The following RPS6KA2 variants were observed in gnomAD, a reference collection of about 807,000 sequenced individuals.
The protein encoded by RPS6KA2 is ribosomal protein S6 kinase A2.
Under a neutral mutation model 91.8 loss-of-function variants are expected in RPS6KA2, and 42 were observed. The observed-to-expected ratio is 0.46, with a 90% CI of 0.36 to 0.59. The LOEUF (loss-of-function observed/expected upper bound fraction) is 0.59, where lower values mean the gene tolerates loss of function less well. Ranked by LOEUF, RPS6KA2 falls within the 20% of genes least tolerant of loss-of-function variation. The pLI is 0.00. For missense variants in RPS6KA2, 798 were observed against 978.5 expected, an observed-to-expected ratio of 0.82 and a Z score of 2.46; for synonymous variants, 414 against 393.6, an observed-to-expected ratio of 1.05 and a Z score of -0.61.
intron 11 of RPS6KA2, among the ~76,000 whole-genome samples, chr6:166,468,447 G>T (rs773229466): frequency 2.6e-5 from 4 of 152,242 alleles, no homozygotes; most frequent in Non-Finnish European, 5.9e-5. Context: ...GCTGAAGGAA[G>T]AGGAGAGCTG....
intron 10 of RPS6KA2, among the ~76,000 whole-genome samples, chr6:166,478,839 G>T (rs1269715550): frequency 6.6e-6 from 1 of 152,190 alleles, no homozygotes; most frequent in East Asian, 1.9e-4. Flanking sequence ...ATCAGGCACT[G>T]CTCTGCCTCC....
At chr6:166,592,283 A>G (rs1398026165) in intron 1 of RPS6KA2, among the ~76,000 whole-genome samples, 1 of 152,166 alleles carries the variant, frequency 6.6e-6, no homozygotes, top group Non-Finnish European at 1.5e-5. Context: ...TGATGGGTGC[A>G]CCTCAGATTA....
intron 1 of RPS6KA2, chr6:166,586,278 C>T (rs1785170481): frequency 4.4e-6 from 7 of 1,597,920 alleles, no homozygotes; most frequent in Non-Finnish European, 5.9e-6. Context: ...TCTGTTGTCC[C>T]TGCCTCTGAA....
intron 10 of RPS6KA2, among the ~76,000 whole-genome samples, 170 bp downstream of exon 10, chr6:166,488,662 TC>T (rs1781490942): frequency 1.3e-5 from 2 of 152,238 alleles, no homozygotes; most frequent in Non-Finnish European, 2.9e-5. Context: ...GGGCCTTTTT[TC>T]CTGGAGCTCA....
In RPS6KA2 at chr6:166,432,477, C is replaced by A. The variant is rs1779168568; in HGVS notation, c.1346G>T (p.Ser449Ile). 2 of 1,611,530 alleles carry A rather than the reference C, an allele frequency of 1.2e-6. No homozygotes were observed. Among genetic ancestry groups the A allele is most frequent in the African/African-American group, 1.3e-5 (1 of 74,864 alleles). Residue 449 changes from serine (S) to isoleucine (I), a missense_variant, in exon 15 of 21, where the codon AGC (serine) becomes ATC (isoleucine). By Grantham distance (142) the Ser-to-Ile change is moderately radical (BLOSUM62 -2). Transcript: ENST00000265678. ...AATCTCTTCCGAGGGGTCTCTCTTG[C>A]TCTTATCAATGATCTGGAACAAACA... is the stretch of plus-strand genomic sequence containing the variant. ...TEYAVKIIDK[S>I]KRDPSEEIEI...
Position 166,716,462 on chromosome 6 carries a change from A to C in RPS6KA2, c.123+141738T>G, listed in dbSNP as rs1030648562. 5.9e-5 allele frequency among the ~76,000 whole-genome samples: 9 copies of C among 152,108 alleles called. 1 individual carries two copies. Among genetic ancestry groups the C allele is most frequent in the Non-Finnish European group, 7.3e-5 (5 of 68,030 alleles). On this transcript the variant is annotated intron_variant, in intron 2 of 21. Transcript: ENST00000503859. ...GCGGGCATCAATTCTTTTTCACATC[A>C]TCACTGTATCGAAATGACATTGAAT...
chr6:166,599,841 A>C (rs975351026), intron 1 of RPS6KA2, among the ~76,000 whole-genome samples: 1 of 151,644 alleles, frequency 6.6e-6, no homozygotes, highest in East Asian at 1.9e-4. Context: ...TCTCCTTCCC[A>C]CTCCATCTCC....
intron 2 of RPS6KA2, among the ~76,000 whole-genome samples, chr6:166,848,524 T>C (rs1780660688): frequency 1.3e-5 from 2 of 152,192 alleles, no homozygotes; most frequent in South Asian, 4.1e-4. Flanking sequence ...ATCAGTCAAT[T>C]AGTGGATAAA....
intron 2 of RPS6KA2, among the ~76,000 whole-genome samples, chr6:166,785,641 T>G (rs1379819200): frequency 1.3e-5 from 2 of 152,212 alleles, no homozygotes; most frequent in Non-Finnish European, 2.9e-5. Flanking sequence ...TGAACAAGGT[T>G]AAATAATTTA....
chr6:166,740,693 G>C (rs1790787983), intron 2 of RPS6KA2, among the ~76,000 whole-genome samples: 1 of 152,232 alleles, frequency 6.6e-6, no homozygotes, highest in Non-Finnish European at 1.5e-5. Context: ...ACAAAGGACT[G>C]ATTTCCAGAA....
At chr6:166,789,588 A>G (rs978525699) in intron 2 of RPS6KA2, among the ~76,000 whole-genome samples, 1 of 152,252 alleles carries the variant, frequency 6.6e-6, no homozygotes, top group Non-Finnish European at 1.5e-5. Context: ...CTGACCCCCG[A>G]GCAGCTTAAC....
At chr6:166,564,830 G>A (rs987071127) in intron 1 of RPS6KA2, among the ~76,000 whole-genome samples, 1 of 152,232 alleles carries the variant, frequency 6.6e-6, no homozygotes, top group East Asian at 1.9e-4. Flanking sequence ...TCACCTTTCT[G>A]AGAGTCCTCA....
Position 166,449,089 on chromosome 6 carries a change from G to A in RPS6KA2, c.1207-240C>T, listed in dbSNP as rs541365114. On this transcript the variant is annotated intron_variant, in intron 13 of 20. Transcript: ENST00000265678. ...ACTCTTAACTTTGAGACACCAGGCC[G>A]TTCTGTGTCCACTGGCTGGTATGTT... Among the ~76,000 whole-genome samples, 42 of 152,274 alleles carry A rather than the reference G, an allele frequency of 2.8e-4. No individual in the cohort carries two copies. The East Asian group carries it at 5.0e-3, about 18-fold the overall frequency.
At chr6:166,721,333 C>T (rs1790168085) in intron 2 of RPS6KA2, among the ~76,000 whole-genome samples, 1 of 152,200 alleles carries the variant, frequency 6.6e-6, no homozygotes, top group Non-Finnish European at 1.5e-5. Context: ...AAAGTTACAT[C>T]TGACAACACT....
At chr6:166,544,843 A>G (rs935324422) in intron 1 of RPS6KA2, among the ~76,000 whole-genome samples, 12 of 152,214 alleles carry the variant, frequency 7.9e-5, no homozygotes, top group African/African-American at 2.9e-4. Flanking sequence ...TCCTTAGGAA[A>G]CCATTTCTAC....
chr6:166,518,518 A>C (rs192664916), intron 3 of RPS6KA2, among the ~76,000 whole-genome samples: 1 of 152,332 alleles, frequency 6.6e-6, no homozygotes, highest in East Asian at 1.9e-4. Flanking sequence ...CATTATGCTT[A>C]TAATAATAAA....
At chr6:166,507,812 T>C (rs1192722282) in intron 5 of RPS6KA2, among the ~76,000 whole-genome samples, 1 of 146,376 alleles carries the variant, frequency 6.8e-6, no homozygotes, top group Non-Finnish European at 1.5e-5. Flanking sequence ...ACATGACACA[T>C]GCACACCCCA....
intron 1 of RPS6KA2, among the ~76,000 whole-genome samples, chr6:166,540,960 A>C (rs1351119063): frequency 6.6e-6 from 1 of 152,236 alleles, no homozygotes; most frequent in African/African-American, 2.4e-5. Flanking sequence ...GAAGAAAGAA[A>C]TTGCAGACGA....
In RPS6KA2 at chr6:166,626,861, C is replaced by T. The variant is rs571239196; in HGVS notation, c.99+60G>A. The T allele has an allele frequency of 8.3e-5, 111 of 1,329,468 alleles. 2 individuals carry two copies. In the South Asian group the frequency reaches 1.9e-3, roughly 23 times the overall value. The allele number at this position is 1,329,468 out of a possible 1,614,324, so 82.4% of individuals were successfully genotyped here. A position where few individuals can be genotyped will look rare whatever the true frequency, so the allele number is the denominator to read the frequency against. ...CCACCCAGGGGTGGCGAGGCGGGCT[C>T]GGGCGACCACGGCCCGCTCAGTGCC... On this transcript the variant is annotated intron_variant, in intron 1 of 20. Transcript: ENST00000265678. The surrounding 1 kb of genome is among the most constrained non-coding windows in gnomAD (Gnocchi z 4.1).
Sources: gnomAD v4.1 joint callset for allele counts (sites outside exome capture counted in the v4.1 genomes callset) on GRCh38, gnomAD v4.1.1 for gene constraint, Gnocchi (gnomAD v3.1) non-coding constraint, MANE v1.5 for transcripts, NCBI Gene and HGNC (gene_info 2026-07-23, HGNC 2026-07-21) for gene names.